FILIP1L: variants seen among roughly 807,000 people sequenced by gnomAD.
The protein encoded by FILIP1L is filamin A-interacting protein 1-like.
In FILIP1L, 55 loss-of-function variants were observed where a neutral mutation model predicts 96.6. That is an observed-to-expected ratio of 0.57 (90% confidence interval 0.46 to 0.71). The LOEUF (loss-of-function observed/expected upper bound fraction) is 0.71, where lower values mean the gene tolerates loss of function less well. Among genes scored for constraint, FILIP1L ranks in the 30% least tolerant of loss-of-function variants. The pLI, the probability that FILIP1L is intolerant of heterozygous loss-of-function variation, is 0.00. For missense variants in FILIP1L, 1,304 were observed against 1,321.2 expected, an observed-to-expected ratio of 0.99 and a Z score of 0.20; for synonymous variants, 467 against 473.9, an observed-to-expected ratio of 0.99 and a Z score of 0.19.
At chr3:99,857,672 T>C (rs1232972821) in intron 4 of FILIP1L, among the ~76,000 whole-genome samples, 1 of 152,208 alleles carries the variant, frequency 6.6e-6, no homozygotes, top group Non-Finnish European at 1.5e-5. Context: ...GAAATAAACT[T>C]AGGGTGATCA....
At chr3:100,058,590 G>A (rs980184315) in intron 1 of FILIP1L, among the ~76,000 whole-genome samples, 1 of 152,108 alleles carries the variant, frequency 6.6e-6, no homozygotes, top group Admixed American at 6.6e-5. Context: ...AAATCCCCTT[G>A]GTGGACAAAG....
chr3:99,974,497 G>A (rs1050012826), intron 1 of FILIP1L, among the ~76,000 whole-genome samples: 1 of 152,158 alleles, frequency 6.6e-6, no homozygotes, highest in Non-Finnish European at 1.5e-5. Context: ...ATCACCTGAG[G>A]TCAGGAGTTC....
chr3:99,934,638 T>C (rs1163189616), intron 1 of FILIP1L, among the ~76,000 whole-genome samples: 1 of 152,202 alleles, frequency 6.6e-6, no homozygotes, highest in Admixed American at 6.5e-5. Flanking sequence ...TGCTAAACAT[T>C]GTTCATAAGT....
intron 4 of FILIP1L, among the ~76,000 whole-genome samples, chr3:99,887,048 G>A (rs534882911): frequency 2.6e-5 from 4 of 151,562 alleles, no homozygotes; most frequent in Non-Finnish European, 4.4e-5. Context: ...GAGGTGGGTG[G>A]ATCACCTGAG....
At chr3:99,852,166 A>G (rs558606061) in intron 4 of FILIP1L, among the ~76,000 whole-genome samples, 3 of 152,324 alleles carry the variant, frequency 2.0e-5, no homozygotes, top group South Asian at 2.1e-4. Flanking sequence ...ACTCTCAATT[A>G]TACTGCGAAT....
chr3:100,035,259 C>T (rs1268981497), intron 1 of FILIP1L, among the ~76,000 whole-genome samples: 2 of 152,038 alleles, frequency 1.3e-5, no homozygotes, highest in Non-Finnish European at 2.9e-5. Flanking sequence ...GCGCATATTC[C>T]TCCTTAAATT....
chr3:100,020,474 C>T (rs2064789336), intron 1 of FILIP1L, among the ~76,000 whole-genome samples: 1 of 152,128 alleles, frequency 6.6e-6, no homozygotes, highest in Non-Finnish European at 1.5e-5. Flanking sequence ...AGAATTGATT[C>T]ATTTAGGCTC....
At chr3:99,911,396 AG>A (rs1706782991) in intron 4 of FILIP1L, among the ~76,000 whole-genome samples, 1 of 151,638 alleles carries the variant, frequency 6.6e-6, no homozygotes, top group South Asian at 2.1e-4. Context: ...ATTTGACTCT[AG>A]ACACACTTAA....
intron 1 of FILIP1L, among the ~76,000 whole-genome samples, chr3:99,934,812 G>T (rs1051716113): frequency 2.6e-5 from 4 of 152,142 alleles, no homozygotes; most frequent in African/African-American, 9.7e-5. Flanking sequence ...GGTAAAAAAA[G>T]GAATGACCTG....
intron 1 of FILIP1L, among the ~76,000 whole-genome samples, chr3:100,003,848 T>C (rs907065126): frequency 6.6e-6 from 1 of 152,116 alleles, no homozygotes; most frequent in Admixed American, 6.5e-5. Flanking sequence ...AAACACTAAC[T>C]TTGCATGAGT....
intron 1 of FILIP1L, among the ~76,000 whole-genome samples, chr3:99,961,851 AT>A (rs749896450): frequency 2.6e-5 from 4 of 152,132 alleles, no homozygotes; most frequent in Non-Finnish European, 4.4e-5. Context: ...TCGTTTGTAC[AT>A]TTGTAGAGCA....
intron 1 of FILIP1L, among the ~76,000 whole-genome samples, chr3:99,949,514 C>T (rs1303906413): frequency 6.6e-6 from 1 of 152,140 alleles, no homozygotes; most frequent in African/African-American, 2.4e-5. Context: ...CAATTTTACT[C>T]GCAGTACGTT....
chr3:100,029,773 G>A (rs1056794895), intron 1 of FILIP1L, among the ~76,000 whole-genome samples: 2 of 152,094 alleles, frequency 1.3e-5, no homozygotes, highest in South Asian at 4.2e-4. Context: ...TACTAAGAGG[G>A]CTTTTGTAGC....
intron 1 of FILIP1L, among the ~76,000 whole-genome samples, chr3:99,993,809 T>A (rs1180442080): frequency 1.3e-5 from 2 of 152,218 alleles, no homozygotes; most frequent in African/African-American, 4.8e-5. Flanking sequence ...CATCCTTGCA[T>A]CCCTGGGATA....
chr3:100,102,157 A>G (rs1290707826), intron 1 of FILIP1L, among the ~76,000 whole-genome samples: 2 of 152,182 alleles, frequency 1.3e-5, no homozygotes, highest in Non-Finnish European at 2.9e-5. Context: ...TGCTGGGTCA[A>G]ATGGTATTTC....
At chr3:99,970,039 C>T (rs898356614) in intron 1 of FILIP1L, among the ~76,000 whole-genome samples, 1 of 152,124 alleles carries the variant, frequency 6.6e-6, no homozygotes, top group Non-Finnish European at 1.5e-5. Flanking sequence ...TAGGCATTGG[C>T]TTAAAATTTG....
At chr3:99,931,121 T>C (rs924330608) in intron 1 of FILIP1L, 91 bp from the exon 2 acceptor site, 9 of 1,080,730 alleles carry the variant, frequency 8.3e-6, no homozygotes, top group African/African-American at 1.6e-5. Context: ...TACATTCTTG[T>C]TATATTTACC....
intron 1 of FILIP1L, among the ~76,000 whole-genome samples, chr3:99,989,431 C>T (rs1168399511): frequency 1.3e-5 from 2 of 152,036 alleles, no homozygotes; most frequent in Non-Finnish European, 2.9e-5. Flanking sequence ...TTACTGTGTC[C>T]CCCACATTTT....
At chr3:99,993,964 C>T (rs905332295) in intron 1 of FILIP1L, among the ~76,000 whole-genome samples, 1 of 152,148 alleles carries the variant, frequency 6.6e-6, no homozygotes, top group Admixed American at 6.5e-5. Flanking sequence ...ATTTTGGCAT[C>T]AGGGTGATAC....
Sources: allele counts gnomAD v4.1 joint callset (sites outside exome capture counted in the v4.1 genomes callset), GRCh38; gene constraint gnomAD v4.1.1; transcripts MANE v1.5; gene names NCBI Gene and HGNC (gene_info 2026-07-23, HGNC 2026-07-21).